The following KIF20B variants were observed in gnomAD, a reference collection of about 807,000 sequenced individuals.
The protein encoded by KIF20B is kinesin-like protein KIF20B.
In KIF20B, 188 loss-of-function variants were observed where a neutral mutation model predicts 232.5. The observed-to-expected ratio is 0.81, with a 90% CI of 0.72 to 0.91. KIF20B has a LOEUF of 0.91. Among genes scored for constraint, KIF20B ranks in the 40% least tolerant of loss-of-function variants. KIF20B has a pLI of 0.00. For synonymous variants in KIF20B, 712 were observed against 683.0 expected, an observed-to-expected ratio of 1.04 and a Z score of -0.66; for missense variants, 2,154 against 2,055.9, an observed-to-expected ratio of 1.05 and a Z score of -0.92.
chr10:89,770,260 G>A (rs1842437726), intron 31 of KIF20B, among the ~76,000 whole-genome samples: 1 of 151,988 alleles, frequency 6.6e-6, no homozygotes, highest in Non-Finnish European at 1.5e-5. Context: ...CTGTAAGTTT[G>A]CTGCAGCATG....
At chr10:89,764,509 C>T (rs1842312386) in intron 29 of KIF20B, among the ~76,000 whole-genome samples, 2 of 152,168 alleles carry the variant, frequency 1.3e-5, no homozygotes, top group South Asian at 4.1e-4. Context: ...TACAGTCCCA[C>T]CAACAGTGTA....
At chr10:89,737,356 C>T in intron 19 of KIF20B, 31 bp from the exon 20 acceptor site, 1 of 1,430,944 alleles carries the variant, frequency 7.0e-7, no homozygotes, top group Non-Finnish European at 9.2e-7. Flanking sequence ...TAAGGTTTGC[C>T]AGATTAATAA....
intron 8 of KIF20B, among the ~76,000 whole-genome samples, chr10:89,716,107 A>G (rs971675133): frequency 6.6e-6 from 1 of 152,246 alleles, no homozygotes; most frequent in African/African-American, 2.4e-5. Flanking sequence ...ATAGCTAGGT[A>G]ATTTTACAGG....
intron 28 of KIF20B, among the ~76,000 whole-genome samples, 156 bp downstream of exon 28, chr10:89,760,792 A>C (rs973055398): frequency 2.0e-5 from 3 of 152,172 alleles, no homozygotes; most frequent in Non-Finnish European, 4.4e-5. Context: ...AGGAGAGGTG[A>C]AATTCTTTTG....
chr10:89,746,629 G>C (rs182739646), intron 23 of KIF20B, among the ~76,000 whole-genome samples: 1 of 152,338 alleles, frequency 6.6e-6, no homozygotes, highest in African/African-American at 2.4e-5. Context: ...CAACATTTGG[G>C]TGTGAAAACA....
At chr10:89,748,660 A>G (rs1004878105) in intron 23 of KIF20B, among the ~76,000 whole-genome samples, 3 of 152,146 alleles carry the variant, frequency 2.0e-5, no homozygotes, top group Non-Finnish European at 2.9e-5. Flanking sequence ...TTTCATAGGA[A>G]ATAGTTCATA....
chr10:89,738,706 A>G (rs1841726014), intron 20 of KIF20B, 89 bp downstream of exon 20: 1 of 1,426,960 alleles, frequency 7.0e-7, no homozygotes, highest in Non-Finnish European at 9.2e-7. Context: ...GTCATACTTA[A>G]TCTGGTAAAG....
At chr10:89,733,278 T>C in intron 19 of KIF20B, 1 of 425,836 alleles carries the variant, frequency 2.3e-6, no homozygotes, top group South Asian at 2.9e-5. Flanking sequence ...GCTTTTATTA[T>C]TTCTTTCGCA....
At chr10:89,753,418 C>T (rs1226257446) in intron 25 of KIF20B, among the ~76,000 whole-genome samples, 2 of 151,892 alleles carry the variant, frequency 1.3e-5, no homozygotes, top group Non-Finnish European at 2.9e-5. Flanking sequence ...TAGAATTTAC[C>T]CTTTTCATTG....
chr10:89,768,189 T>A, intron 29 of KIF20B, 101 bp from the exon 30 acceptor site: 1 of 742,136 alleles, frequency 1.3e-6, no homozygotes, highest in Non-Finnish European at 2.3e-6. Context: ...AGAGTCACTG[T>A]TTTAAGTGAT....
At chr10:89,729,290 A>T in intron 18 of KIF20B, 43 bp downstream of exon 18, 1 of 1,404,794 alleles carries the variant, frequency 7.1e-7, no homozygotes, top group Non-Finnish European at 9.5e-7. Flanking sequence ...TTAGATAAGC[A>T]TATGTTTTGG....
At position 89,754,547 on chromosome 10, in the gene KIF20B, A is replaced by G. The variant is rs772082180; in HGVS notation, c.4377A>G (p.Arg1459=). Residue 1459 remains arginine, a synonymous_variant, in exon 26 of 33, where the codon AGA becomes AGG. Transcript: ENST00000371728. ...QESEQKYNAD[R]KKWLEEKMML... is the part of the protein sequence containing the mutation. ...CTGAACAGAAATATAATGCTGATAGAAAGAAATGGTTAGAAGAAAAAATGA... is the reference window on the plus strand; with the variant it reads ...CTGAACAGAAATATAATGCTGATAGGAAGAAATGGTTAGAAGAAAAAATGA... The G allele has an allele frequency of 8.1e-6, 13 of 1,600,346 alleles. No homozygotes were observed. Among genetic ancestry groups the G allele is most frequent in the African/African-American group, 1.3e-5 (1 of 74,426 alleles).
chr10:89,766,489 C>T (rs1842363507), intron 29 of KIF20B: 1 of 152,136 alleles, frequency 6.6e-6, no homozygotes, highest in East Asian at 1.9e-4. Context: ...CTTAAAGGAT[C>T]TGATGGAGCT....
Position 89,738,032 on chromosome 10 carries a change from G to T in KIF20B, c.3191G>T (p.Cys1064Phe). The change falls in exon 20 of 33, where the codon TGT becomes TTT. Residue 1064 changes from cysteine to phenylalanine, a missense_variant. Transcript: ENST00000371728. ...AGTATTGAAGCTATTTGGGAAGAAT[G>T]TAAAGAGATTGTGAAGGCCTCTTCC... ...HSSIEAIWEE[C>F]KEIVKASSKK... The T allele has an allele frequency of 6.2e-7, 1 of 1,613,458 alleles. No individual in the cohort carries two copies. The highest frequency in any genetic ancestry group is 8.5e-7 in the Non-Finnish European group (1 of 1,179,612).
chr10:89,724,706 A>G (rs539726817), intron 14 of KIF20B, among the ~76,000 whole-genome samples: 3 of 152,046 alleles, frequency 2.0e-5, no homozygotes, highest in African/African-American at 7.2e-5. Flanking sequence ...GGTTCAAGCA[A>G]TTCTTCTGCC....
At chr10:89,759,533 T>C (rs1842196208) in intron 27 of KIF20B, among the ~76,000 whole-genome samples, 1 of 152,102 alleles carries the variant, frequency 6.6e-6, no homozygotes, top group Non-Finnish European at 1.5e-5. Flanking sequence ...ATCAAAAGAC[T>C]ATTATTGTAA....
intron 13 of KIF20B, among the ~76,000 whole-genome samples, chr10:89,720,809 G>T (rs1056497955): frequency 2.6e-5 from 4 of 152,108 alleles, no homozygotes; most frequent in Non-Finnish European, 5.9e-5. Flanking sequence ...GGGTTCAAGC[G>T]ATTCTCCTGC....
chr10:89,719,674 A>G lies in KIF20B; in HGVS notation c.1690A>G (p.Asn564Asp), dbSNP rs1257918755. ...AGATCTAGATAAAACATTAGAGGAA[A>G]ATAAGGCTTTCATTAGCCACGAGGA... ...DEDLDKTLEENKAFISHEEKR... is the reference protein window; with the variant it reads ...DEDLDKTLEEDKAFISHEEKR... Residue 564 changes from asparagine (N) to aspartate (D), a missense_variant, in exon 13 of 33, where the codon AAT (asparagine) becomes GAT (aspartate). Physicochemically the swap from Asn to Asp is conservative, Grantham distance 23. Coordinates refer to ENST00000371728, the MANE Select transcript of KIF20B (RefSeq NM_001284259.2). The G allele has an allele frequency of 9.9e-6, 16 of 1,608,330 alleles. No individual in the cohort carries two copies. Among genetic ancestry groups the G allele is most frequent in the Middle Eastern group, 3.3e-4 (2 of 5,986 alleles).
chr10:89,743,883 T>C lies in KIF20B; in HGVS notation c.3991T>C (p.Ser1331Pro). 2.5e-6 allele frequency: 4 copies of C among 1,591,202 alleles called. No homozygotes were observed. Among genetic ancestry groups the C allele is most frequent in the Non-Finnish European group, 3.4e-6 (4 of 1,170,868 alleles). The change falls in exon 22 of 33, where the codon TCT becomes CCT. Residue 1331 changes from serine to proline, a missense_variant. Transcript: ENST00000371728. ...ACTGGAGAAAAAGAAAAACCAGTGTTCTCAGGAATTAGATATGAAACAGCG... is the reference window on the plus strand; with the variant it reads ...ACTGGAGAAAAAGAAAAACCAGTGTCCTCAGGAATTAGATATGAAACAGCG... ...NELEKKKNQC[S>P]QELDMKQRTI...
Sources: allele counts gnomAD v4.1 joint callset (sites outside exome capture counted in the v4.1 genomes callset), GRCh38; gene constraint gnomAD v4.1.1; transcripts MANE v1.5; gene names NCBI Gene and HGNC (gene_info 2026-07-23, HGNC 2026-07-21).